Variants in UBE2E2 observed in about 807,000 individuals in gnomAD.
UBE2E2 encodes the protein ubiquitin conjugating enzyme E2 E2.
Under a neutral mutation model 24.7 loss-of-function variants are expected in UBE2E2, and 6 were observed. The ratio of observed to expected loss-of-function variants is 0.24; its 90% CI spans 0.13 to 0.48. UBE2E2 has a LOEUF of 0.48. Ranked by LOEUF, UBE2E2 falls within the 20% of genes least tolerant of loss-of-function variation. The pLI is 0.99. For missense variants in UBE2E2, 169 were observed against 245.0 expected (o/e 0.69, Z 2.07); for synonymous variants, 104 against 83.6 (o/e 1.24, Z -1.33).
intron 3 of UBE2E2, among the ~76,000 whole-genome samples, chr3:23,351,059 A>G (rs970782613): frequency 5.3e-5 from 8 of 152,246 alleles, no homozygotes; most frequent in African/African-American, 1.9e-4. Context: ...TCTACAAGCC[A>G]GAAGAGAGTG....
At chr3:23,231,455 G>A (rs1696971776) in intron 3 of UBE2E2, among the ~76,000 whole-genome samples, 2 of 152,100 alleles carry the variant, frequency 1.3e-5, no homozygotes, top group Admixed American at 6.5e-5. Context: ...AACTCAGGAC[G>A]CTTTTAAAAT....
chr3:23,328,253 C>T (rs115460585), intron 3 of UBE2E2, among the ~76,000 whole-genome samples: 2,775 of 152,308 alleles, frequency 0.018, 36 homozygotes, highest in Non-Finnish European at 0.03. Context: ...AAAGAACCTT[C>T]TATCTCTGTG....
intron 4 of UBE2E2, among the ~76,000 whole-genome samples, chr3:23,503,414 C>T (rs1377732331): frequency 1.3e-5 from 2 of 151,764 alleles, no homozygotes; most frequent in African/African-American, 4.8e-5. Flanking sequence ...TGGTGTTGAA[C>T]TCCTGACCTC....
At chr3:23,573,017 C>T (rs1359596335) in intron 5 of UBE2E2, among the ~76,000 whole-genome samples, 1 of 151,792 alleles carries the variant, frequency 6.6e-6, no homozygotes, top group East Asian at 1.9e-4. Context: ...TTAATCTCAT[C>T]AAGATTAGGG....
At chr3:23,323,512 C>T in intron 3 of UBE2E2, 1 of 433,516 alleles carries the variant, frequency 2.3e-6, no homozygotes, top group Non-Finnish European at 4.6e-6. Context: ...ACAACTTTTT[C>T]AGCACCAACA....
intron 3 of UBE2E2, among the ~76,000 whole-genome samples, chr3:23,457,144 C>T (rs933483254): frequency 2.6e-5 from 4 of 152,126 alleles, no homozygotes; most frequent in African/African-American, 4.8e-5. Flanking sequence ...AGGCAGCACC[C>T]GAGCAGTCCC....
At chr3:23,523,928 T>A (rs2125477598) in intron 4 of UBE2E2, among the ~76,000 whole-genome samples, 1 of 151,748 alleles carries the variant, frequency 6.6e-6, no homozygotes, top group South Asian at 2.1e-4. Context: ...GTTACATGAT[T>A]TACTGATTCA....
intron 3 of UBE2E2, among the ~76,000 whole-genome samples, chr3:23,364,396 G>C (rs977644354): frequency 1.3e-4 from 19 of 151,768 alleles, no homozygotes; most frequent in Non-Finnish European, 2.2e-4. Flanking sequence ...AATAGAGAGA[G>C]AGACAGAAGA....
chr3:23,431,501 C>A (rs977033789), intron 3 of UBE2E2, among the ~76,000 whole-genome samples: 2 of 116,330 alleles, frequency 1.7e-5, no homozygotes, highest in African/African-American at 3.4e-5. Context: ...AGATTTAAAT[C>A]ATTAAAAAAA....
intron 3 of UBE2E2, among the ~76,000 whole-genome samples, chr3:23,294,807 TTTTTA>T (rs1478835423): frequency 2.7e-5 from 4 of 150,520 alleles, no homozygotes; most frequent in African/African-American, 9.7e-5. Flanking sequence ...TATTTGTATC[TTTTTA>T]TTTTATCATT....
At chr3:23,393,356 T>C (rs1277897352) in intron 3 of UBE2E2, among the ~76,000 whole-genome samples, 1 of 152,188 alleles carries the variant, frequency 6.6e-6, no homozygotes, top group Non-Finnish European at 1.5e-5. Flanking sequence ...CCTAAGAAGA[T>C]GCTCAGGATA....
At chr3:23,530,446 A>T (rs12485849) in intron 4 of UBE2E2, among the ~76,000 whole-genome samples, 2,536 of 152,222 alleles carry the variant, frequency 0.017, 30 homozygotes, top group Middle Eastern at 0.041. Flanking sequence ...CAGAATTGTT[A>T]CTGTTTTCTT....
At chr3:23,536,754 A>G (rs766473995) in intron 5 of UBE2E2, among the ~76,000 whole-genome samples, 1 of 152,228 alleles carries the variant, frequency 6.6e-6, no homozygotes, top group Non-Finnish European at 1.5e-5. Context: ...GAAGATACTG[A>G]GATTGACCAT....
At chr3:23,371,647 T>C (rs1336439662) in intron 3 of UBE2E2, among the ~76,000 whole-genome samples, 1 of 152,160 alleles carries the variant, frequency 6.6e-6, no homozygotes, top group Non-Finnish European at 1.5e-5. Flanking sequence ...AAGCCAGCAA[T>C]TTTCAAAAGT....
chr3:23,472,143 C>T (rs1699043974), intron 3 of UBE2E2, among the ~76,000 whole-genome samples: 1 of 152,050 alleles, frequency 6.6e-6, no homozygotes, highest in South Asian at 2.1e-4. Context: ...TTAGAAAAGA[C>T]TCAGAAATTA....
chr3:23,266,691 A>G (rs908339867), intron 3 of UBE2E2, among the ~76,000 whole-genome samples: 2 of 152,110 alleles, frequency 1.3e-5, no homozygotes, highest in Non-Finnish European at 1.5e-5. Flanking sequence ...ACTCAGCTCC[A>G]CACCAAGCAG....
intron 3 of UBE2E2, among the ~76,000 whole-genome samples, chr3:23,428,972 C>T (rs1054280449): frequency 7.1e-5 from 10 of 140,904 alleles, no homozygotes; most frequent in Non-Finnish European, 1.5e-4. Context: ...AAGAGGCTAT[C>T]ACTACAAATA....
chr3:23,442,441 T>C (rs762238024), intron 3 of UBE2E2, among the ~76,000 whole-genome samples: 1 of 151,978 alleles, frequency 6.6e-6, no homozygotes, highest in Non-Finnish European at 1.5e-5. Flanking sequence ...AGTATTAAGA[T>C]CTGTCTTCTG....
At chr3:23,486,358 G>A (rs1699371584) in intron 3 of UBE2E2, among the ~76,000 whole-genome samples, 1 of 152,212 alleles carries the variant, frequency 6.6e-6, no homozygotes, top group African/African-American at 2.4e-5. Context: ...AGGAACTTCA[G>A]AGCCCCATAG....
Sources: allele counts gnomAD v4.1 joint callset (sites outside exome capture counted in the v4.1 genomes callset), GRCh38; gene constraint gnomAD v4.1.1; transcripts MANE v1.5; gene names NCBI Gene and HGNC (gene_info 2026-07-23, HGNC 2026-07-21).